FSTL5: variants seen among roughly 807,000 people sequenced by gnomAD.
The protein encoded by FSTL5 is follistatin-related protein 5.
A neutral mutation model predicts 89.1 loss-of-function variants in FSTL5; 62 were observed. The observed-to-expected ratio is 0.70, with a 90% CI of 0.57 to 0.86. The LOEUF is 0.86. Among genes scored for constraint, FSTL5 ranks in the 40% least tolerant of loss-of-function variants. The pLI is 0.00. For missense variants in FSTL5, 1,057 were observed against 1,001.6 expected (o/e 1.06, Z -0.75); for synonymous variants, 383 against 346.2 (o/e 1.11, Z -1.18).
At chr4:162,098,494 G>A (rs914330295) in intron 2 of FSTL5, among the ~76,000 whole-genome samples, 3 of 151,996 alleles carry the variant, frequency 2.0e-5, no homozygotes, top group South Asian at 4.1e-4. Flanking sequence ...ATATTGGGAT[G>A]CAATGAGTTA....
chr4:161,777,584 A>G (rs1236348515), intron 4 of FSTL5, among the ~76,000 whole-genome samples: 1 of 151,394 alleles, frequency 6.6e-6, no homozygotes, highest in African/African-American at 2.4e-5. Context: ...TAATGTTCTG[A>G]TATTCATTCA....
intron 3 of FSTL5, chr4:162,032,666 T>C (rs1287009304): frequency 2.0e-5 from 3 of 152,162 alleles, no homozygotes; most frequent in African/African-American, 7.2e-5. Context: ...AGGATTCTAT[T>C]TGGACTTGTT....
intron 13 of FSTL5, among the ~76,000 whole-genome samples, chr4:161,465,566 C>T (rs1411894441): frequency 6.6e-6 from 1 of 152,108 alleles, no homozygotes; most frequent in Non-Finnish European, 1.5e-5. Context: ...CAGACAAGTG[C>T]CACCACAACC....
intron 3 of FSTL5, among the ~76,000 whole-genome samples, chr4:161,999,630 T>C (rs1445077848): frequency 1.3e-5 from 2 of 152,200 alleles, no homozygotes; most frequent in Non-Finnish European, 2.9e-5. Flanking sequence ...CTTACATATA[T>C]GTAAATGATC....
intron 7 of FSTL5, among the ~76,000 whole-genome samples, chr4:161,645,518 T>C (rs1736122494): frequency 6.6e-6 from 1 of 152,148 alleles, no homozygotes; most frequent in Admixed American, 6.6e-5. Context: ...TGAATTACAA[T>C]ATGCAGTACT....
intron 3 of FSTL5, among the ~76,000 whole-genome samples, chr4:161,962,586 A>C (rs1308890001): frequency 6.6e-6 from 1 of 151,556 alleles, no homozygotes; most frequent in African/African-American, 2.4e-5. Context: ...CGCATTGCTC[A>C]TTTGAAAATG....
At chr4:161,543,526 A>T (rs2126546366) in intron 8 of FSTL5, among the ~76,000 whole-genome samples, 1 of 152,174 alleles carries the variant, frequency 6.6e-6, no homozygotes, top group South Asian at 2.1e-4. Context: ...GTGAAAAAAA[A>T]AATCTTGAAA....
intron 5 of FSTL5, among the ~76,000 whole-genome samples, chr4:161,764,817 G>A (rs1236447963): frequency 6.6e-6 from 1 of 152,048 alleles, no homozygotes; most frequent in African/African-American, 2.4e-5. Context: ...ACCATCTAAA[G>A]TAAAGATACT....
chr4:162,051,334 G>C (rs1381420590), intron 2 of FSTL5, among the ~76,000 whole-genome samples: 1 of 151,366 alleles, frequency 6.6e-6, no homozygotes. Flanking sequence ...GATTAATGGA[G>C]AGATAGGTAG....
chr4:161,810,443 T>C (rs1007823354), intron 4 of FSTL5, among the ~76,000 whole-genome samples: 129 of 152,264 alleles, frequency 8.5e-4, no homozygotes, highest in African/African-American at 3.0e-3. Context: ...AATGTGTATA[T>C]TCACTTTAAG....
chr4:161,773,579 C>A (rs1040368952), intron 5 of FSTL5, among the ~76,000 whole-genome samples: 1 of 152,034 alleles, frequency 6.6e-6, no homozygotes, highest in Non-Finnish European at 1.5e-5. Context: ...AAATGGCCAA[C>A]AAACATGAAA....
intron 2 of FSTL5, among the ~76,000 whole-genome samples, chr4:162,091,352 T>C (rs11935102): frequency 0.017 from 2,641 of 152,228 alleles, 76 homozygotes; most frequent in African/African-American, 0.059. Flanking sequence ...GTTTTAAATA[T>C]CTAAACCTCG....
chr4:161,617,632 A>G (rs1734946489), intron 7 of FSTL5, among the ~76,000 whole-genome samples: 1 of 152,344 alleles, frequency 6.6e-6, no homozygotes, highest in East Asian at 1.9e-4. Flanking sequence ...GAAGGAAATA[A>G]AAGTGACACA....
intron 6 of FSTL5, among the ~76,000 whole-genome samples, chr4:161,677,272 C>G (rs1737338165): frequency 6.6e-6 from 1 of 150,702 alleles, no homozygotes; most frequent in Admixed American, 6.7e-5. Context: ...AGAAAGAGAG[C>G]CCGAGAGAGA....
chr4:161,565,223 C>T (rs915160358), intron 8 of FSTL5, among the ~76,000 whole-genome samples: 1 of 90,126 alleles, frequency 1.1e-5, no homozygotes, highest in South Asian at 2.9e-4. Context: ...CATATCTTGC[C>T]TATCATCATC....
chr4:161,446,764 C>T (rs1327351010), intron 15 of FSTL5, among the ~76,000 whole-genome samples: 1 of 151,988 alleles, frequency 6.6e-6, no homozygotes, highest in Non-Finnish European at 1.5e-5. Flanking sequence ...CTGCCCCTCT[C>T]TTGTGGTGTA....
intron 4 of FSTL5, among the ~76,000 whole-genome samples, chr4:161,905,743 G>A (rs1454384448): frequency 1.3e-5 from 2 of 152,042 alleles, no homozygotes; most frequent in African/African-American, 4.8e-5. Context: ...CAGAAGAGAG[G>A]ACAAATTTGT....
chr4:161,760,365 T>TTATA (rs1210711819), intron 5 of FSTL5, among the ~76,000 whole-genome samples: 1 of 152,174 alleles, frequency 6.6e-6, no homozygotes, highest in Non-Finnish European at 1.5e-5. Flanking sequence ...AGGCAGGGAT[T>TTATA]TATACTGCTT....
intron 4 of FSTL5, among the ~76,000 whole-genome samples, chr4:161,836,678 C>T (rs1332780599): frequency 6.6e-6 from 1 of 151,392 alleles, no homozygotes; most frequent in East Asian, 1.9e-4. Flanking sequence ...AGAAAGAACA[C>T]CCTGGAAACA....
Sources: allele counts gnomAD v4.1 joint callset (sites outside exome capture counted in the v4.1 genomes callset), GRCh38; gene constraint gnomAD v4.1.1; transcripts MANE v1.5; gene names NCBI Gene and HGNC (gene_info 2026-07-23, HGNC 2026-07-21).